The following LSM1 variants were observed in gnomAD, a reference collection of about 807,000 sequenced individuals.
The protein encoded by LSM1 is U6 snRNA-associated Sm-like protein LSm1.
Under a neutral mutation model 18.0 loss-of-function variants are expected in LSM1, and 13 were observed. The observed-to-expected ratio is 0.72, with a 90% CI of 0.47 to 1.15. The LOEUF (loss-of-function observed/expected upper bound fraction) is 1.15. LSM1 is among the 50% of genes most tolerant of loss of function. The pLI is 0.00. For missense variants in LSM1, 152 were observed against 157.7 expected (o/e 0.96, Z 0.19); for synonymous variants, 46 against 56.0 (o/e 0.82, Z 0.80).
Position 38,163,448 on chromosome 8 carries a change from G to A in LSM1, c.*222C>T, listed in dbSNP as rs1172120731. ...GTAGTTGCTGGTGCCACAGTGATGT[G>A]TGAAGGAGTCTATGCCACTGTTTCT... On this transcript the variant is annotated 3_prime_UTR_variant, in exon 4 of 4. Coordinates refer to ENST00000311351, the MANE Select transcript of LSM1 (RefSeq NM_014462.3). 5 of 456,544 alleles carry A rather than the reference G, an allele frequency of 1.1e-5. 1 individual carries two copies. The highest frequency in any genetic ancestry group is 3.6e-5 in the Admixed American group (1 of 27,652). The allele number at this position is 456,544 out of a possible 1,614,324, so 28.3% of individuals were successfully genotyped here.
chr8:38,176,220 G>A (rs1233542821), intron 1 of LSM1, 55 bp downstream of exon 1: 1 of 1,523,302 alleles, frequency 6.6e-7, no homozygotes, highest in Admixed American at 1.7e-5. Flanking sequence ...AGAGGCGCCC[G>A]CCCGGGAGGA....
chr8:38,165,287 A>T (rs778927590), intron 3 of LSM1, among the ~76,000 whole-genome samples: 2 of 152,146 alleles, frequency 1.3e-5, no homozygotes, highest in Non-Finnish European at 2.9e-5. Context: ...TGGGAGGCGG[A>T]GGTTGCAGTG....
At chr8:38,173,275 T>C (rs1196593473) in intron 1 of LSM1, among the ~76,000 whole-genome samples, 2 of 151,434 alleles carry the variant, frequency 1.3e-5, no homozygotes, top group Admixed American at 6.6e-5. Context: ...CTTAATTATA[T>C]GAGACTACAG....
Position 38,169,874 on chromosome 8 carries a change from G to A in LSM1, c.159C>T (p.Gly53=), listed in dbSNP as rs766723906. Residue 53 remains glycine (G), a synonymous_variant, in exon 3 of 4, where the codon GGC becomes GGT. Coordinates refer to ENST00000311351, the MANE Select transcript of LSM1 (RefSeq NM_014462.3). ...CTCGAGGAATATCACCGTATTTTTT[G>A]CCCACATGAATACGCTCCACAGTCT... is the stretch of plus-strand genomic sequence containing the variant. ...LHQTVERIHV[G]KKYGDIPRGI... is the part of the protein sequence containing the mutation. The A allele has an allele frequency of 5.0e-6, 8 of 1,613,590 alleles. No individual in the cohort carries two copies. The highest frequency in any genetic ancestry group is 6.8e-6 in the Non-Finnish European group (8 of 1,179,756).
At chr8:38,165,394 A>G (rs1005776288) in intron 3 of LSM1, among the ~76,000 whole-genome samples, 1 of 151,940 alleles carries the variant, frequency 6.6e-6, no homozygotes, top group Non-Finnish European at 1.5e-5. Context: ...AAAATTCCTT[A>G]TTTAAAAAAT....
At chr8:38,170,528 T>C (rs913982961) in intron 2 of LSM1, among the ~76,000 whole-genome samples, 2 of 151,992 alleles carry the variant, frequency 1.3e-5, no homozygotes, top group African/African-American at 4.8e-5. Flanking sequence ...AAAATATAAA[T>C]GAATAAGGAA....
intron 3 of LSM1, among the ~76,000 whole-genome samples, chr8:38,166,284 A>G (rs999429962): frequency 1.3e-5 from 2 of 152,058 alleles, no homozygotes; most frequent in Admixed American, 1.3e-4. Flanking sequence ...ATCTGGCATT[A>G]AATCTTTTTT....
chr8:38,174,133 G>A (rs1254748776), intron 1 of LSM1, among the ~76,000 whole-genome samples: 3 of 152,156 alleles, frequency 2.0e-5, no homozygotes, highest in Non-Finnish European at 4.4e-5. Flanking sequence ...GTAGTCTATT[G>A]AAGGTGATCA....
Position 38,163,672 on chromosome 8 carries a change from A to T in LSM1, c.400T>A (p.Ter134LysextTer12), listed in dbSNP as rs1305863329. 6.2e-7 allele frequency: 1 copy of T among 1,614,114 alleles called. No homozygotes were observed. Among genetic ancestry groups the T allele is most frequent in the Admixed American group, 1.7e-5 (1 of 59,998 alleles). ...IPRADTLDEY* is the reference protein window; with the variant it reads ...IPRADTLDEYK ...GCCAACAGCCTCTGGGCAAAAGATTAGTACTCATCAAGAGTATCTGCTCGA... is the reference window on the plus strand; with the variant it reads ...GCCAACAGCCTCTGGGCAAAAGATTTGTACTCATCAAGAGTATCTGCTCGA... Residue 134 changes from the stop codon to lysine (K), a stop_lost, in exon 4 of 4, where the codon TAA becomes AAA. Coordinates refer to ENST00000311351, the MANE Select transcript of LSM1 (RefSeq NM_014462.3).
chr8:38,163,525 A>C lies in LSM1; in HGVS notation c.*145T>G. On this transcript the variant is annotated 3_prime_UTR_variant, in exon 4 of 4. Transcript: ENST00000311351. The stretch of plus-strand genomic sequence containing the variant: ...AAAAACCCACCTACACGATTTCTTC[A>C]TGTTGCATATGTAAAATAATTAAAA... The C allele has an allele frequency of 1.5e-6, 1 of 661,190 alleles. No individual in the cohort carries two copies. Among genetic ancestry groups the C allele is most frequent in the Non-Finnish European group, 2.5e-6 (1 of 405,950 alleles). The allele number at this position is 661,190 out of a possible 1,614,324, so 41.0% of individuals were successfully genotyped here.
intron 2 of LSM1, among the ~76,000 whole-genome samples, chr8:38,171,404 T>G (rs553496338): frequency 6.6e-6 from 1 of 152,188 alleles, no homozygotes; most frequent in South Asian, 2.1e-4. Flanking sequence ...CCTAAAACCA[T>G]GAGGAGCAGA....
chr8:38,168,927 A>T (rs1283941091), intron 3 of LSM1, among the ~76,000 whole-genome samples: 2 of 152,164 alleles, frequency 1.3e-5, no homozygotes, highest in Non-Finnish European at 2.9e-5. Context: ...GGCTGTTAAA[A>T]ATGGCTACAA....
Position 38,176,272 on chromosome 8 carries a change from C to A in LSM1, c.46+3G>T. 4 of 1,613,512 alleles carry A rather than the reference C, an allele frequency of 2.5e-6. No individual in the cohort carries two copies. Among genetic ancestry groups the A allele is most frequent in the South Asian group, 1.1e-5 (1 of 90,890 alleles). ...CTCCACCGGGAGGAGATAAACTACT[C>A]ACTGTCAATGTCCTCGATGAGGCTG... On this transcript the variant is annotated splice_donor_region_variant and intron_variant, in intron 1 of 3. Transcript: ENST00000311351.
At chr8:38,173,788 G>A (rs1427542838) in intron 1 of LSM1, among the ~76,000 whole-genome samples, 1 of 152,188 alleles carries the variant, frequency 6.6e-6, no homozygotes, top group Non-Finnish European at 1.5e-5. Context: ...GAAAACCAAA[G>A]ACATCAAGAT....
chr8:38,175,963 C>G (rs930817502), intron 1 of LSM1: 15 of 309,894 alleles, frequency 4.8e-5, no homozygotes, highest in South Asian at 1.6e-4. Flanking sequence ...GAAGCCCCCC[C>G]CCTCCCCGGG....
intron 1 of LSM1, 54 bp downstream of exon 1, chr8:38,176,220 GC>G: frequency 5.9e-6 from 9 of 1,523,306 alleles, no homozygotes; most frequent in Non-Finnish European, 8.2e-6. Context: ...AGAGGCGCCC[GC>G]CCGGGAGGAA....
intron 1 of LSM1, among the ~76,000 whole-genome samples, chr8:38,172,320 TTTTC>T (rs995167852): frequency 2.2e-5 from 3 of 138,678 alleles, no homozygotes; most frequent in East Asian, 2.4e-4. Flanking sequence ...TTTTTTCCTT[TTTTC>T]TTTTTTTTTT....
chr8:38,174,046 A>C (rs978088628), intron 1 of LSM1, among the ~76,000 whole-genome samples: 5 of 152,240 alleles, frequency 3.3e-5, no homozygotes, highest in Admixed American at 2.6e-4. Context: ...ACACAGAAGA[A>C]GACCTTAGAC....
intron 3 of LSM1, among the ~76,000 whole-genome samples, chr8:38,167,671 C>T (rs1161319678): frequency 1.3e-5 from 2 of 152,104 alleles, no homozygotes; most frequent in Non-Finnish European, 2.9e-5. Context: ...TCCTCTGATA[C>T]GTTGCCTCTT....
Sources: allele counts gnomAD v4.1 joint callset (sites outside exome capture counted in the v4.1 genomes callset), GRCh38; gene constraint gnomAD v4.1.1; transcripts MANE v1.5; gene names NCBI Gene and HGNC (gene_info 2026-07-23, HGNC 2026-07-21).